The following PEMT variants were observed in gnomAD, a reference collection of about 807,000 sequenced individuals.
The protein encoded by PEMT is phosphatidylethanolamine N-methyltransferase, also known as phospholipid methyltransferase.
Under a neutral mutation model 27.4 loss-of-function variants are expected in PEMT, and 23 were observed. That is an observed-to-expected ratio of 0.84 (90% CI 0.60 to 1.19). The LOEUF is 1.19. Ranked by LOEUF, PEMT falls within the 50% of genes most tolerant of loss-of-function variation. The pLI, the probability that PEMT is intolerant of heterozygous loss-of-function variation, is 0.00. For missense variants in PEMT, 307 were observed against 310.1 expected (o/e 0.99, Z 0.07); for synonymous variants, 137 against 139.1 (o/e 0.98, Z 0.11).
At chr17:17,591,143 C>T (rs561700921) in intron 1 of PEMT, among the ~76,000 whole-genome samples, 2 of 152,116 alleles carry the variant, frequency 1.3e-5, no homozygotes, top group Non-Finnish European at 1.5e-5. Flanking sequence ...CACACACAGC[C>T]TCGGTCATAC....
chr17:17,522,527 A>C, intron 2 of PEMT, 132 bp from the exon 3 acceptor site: 2 of 656,720 alleles, frequency 3.0e-6, no homozygotes, highest in Non-Finnish European at 5.5e-6. Context: ...ATTACACGGG[A>C]GCAACAACCA....
chr17:17,577,655 C>A (rs187424285), intron 1 of PEMT, among the ~76,000 whole-genome samples: 134 of 150,898 alleles, frequency 8.9e-4, no homozygotes, highest in African/African-American at 3.2e-3. Context: ...TGTCCAGCAA[C>A]CAAAGAAATG....
At chr17:17,530,675 A>C (rs1343787819) in intron 2 of PEMT, among the ~76,000 whole-genome samples, 1 of 152,178 alleles carries the variant, frequency 6.6e-6, no homozygotes, top group East Asian at 1.9e-4. Context: ...CATCGAGTAA[A>C]TCTATTGTTG....
At chr17:17,541,980 T>C (rs1438441136) in intron 2 of PEMT, among the ~76,000 whole-genome samples, 3 of 152,052 alleles carry the variant, frequency 2.0e-5, no homozygotes, top group Non-Finnish European at 2.9e-5. Context: ...TCTTTTTTCT[T>C]TTTTCTTTTT....
intron 6 of PEMT, 38 bp downstream of exon 6, chr17:17,506,189 G>A (rs757603424): frequency 7.5e-6 from 11 of 1,458,826 alleles, no homozygotes; most frequent in Middle Eastern, 1.7e-4. Context: ...AGGGCCAGTC[G>A]GGCAGCCACG....
chr17:17,522,695 T>C (rs746899), intron 2 of PEMT, among the ~76,000 whole-genome samples: 92,443 of 151,624 alleles, frequency 0.61, 28,983 homozygotes, highest in African/African-American at 0.75. Context: ...AGACGTCTGG[T>C]GGAGAAGATC....
intron 2 of PEMT, among the ~76,000 whole-genome samples, chr17:17,537,229 C>T (rs1908539453): frequency 6.6e-6 from 1 of 152,220 alleles, no homozygotes; most frequent in African/African-American, 2.4e-5. Context: ...GAGTCCAGCT[C>T]GGAGGTGGGA....
At position 17,523,134 on chromosome 17, in the gene PEMT, G is replaced by A. The variant is rs1907412057; in HGVS notation, c.205-739C>T. 6.6e-6 allele frequency among the ~76,000 whole-genome samples: 1 copy of A among 152,184 alleles called. No individual in the cohort carries two copies. The highest frequency in any genetic ancestry group is 1.5e-5 in the Non-Finnish European group (1 of 68,042). On this transcript the variant is annotated intron_variant, in intron 2 of 6. Transcript: ENST00000255389. The surrounding 1 kb of genome is among the most constrained non-coding windows in gnomAD (Gnocchi z 4.8). The stretch of plus-strand genomic sequence containing the variant: ...GCCCGGGCCTGGCCCAGCACACTGA[G>A]GAAGGAACGGAGAGGAGGGGAGGGG...
intron 2 of PEMT, among the ~76,000 whole-genome samples, chr17:17,575,886 A>G (rs982405878): frequency 1.3e-5 from 2 of 152,204 alleles, no homozygotes; most frequent in Admixed American, 6.5e-5. Flanking sequence ...TTCTCTCACC[A>G]GATGGAGAAA....
chr17:17,585,820 T>C (rs1017610191), intron 1 of PEMT, among the ~76,000 whole-genome samples: 5 of 151,984 alleles, frequency 3.3e-5, no homozygotes, highest in East Asian at 1.9e-4. Flanking sequence ...CGGTGAGTCA[T>C]GCCTGTAATC....
intron 2 of PEMT, among the ~76,000 whole-genome samples, chr17:17,541,566 G>C (rs192979903): frequency 5.4e-4 from 83 of 152,374 alleles, no homozygotes; most frequent in Non-Finnish European, 8.5e-4. Flanking sequence ...CAGCGAGCCA[G>C]AGCCCACACA....
intron 1 of PEMT, chr17:17,578,580 T>G (rs1286085121): frequency 6.6e-6 from 1 of 152,148 alleles, no homozygotes; most frequent in Non-Finnish European, 1.5e-5. Flanking sequence ...TCTCTCCACA[T>G]GCAACTCAAA....
At chr17:17,553,082 G>A (rs944974854) in intron 2 of PEMT, among the ~76,000 whole-genome samples, 4 of 152,190 alleles carry the variant, frequency 2.6e-5, no homozygotes, top group Admixed American at 1.3e-4. Context: ...GTGCCTGGCC[G>A]GCTGGGGGAT....
chr17:17,555,310 C>T (rs1157563629), intron 2 of PEMT, among the ~76,000 whole-genome samples: 1 of 152,188 alleles, frequency 6.6e-6, no homozygotes. Context: ...CAGTGGGACA[C>T]TTTCTGCTAC....
At chr17:17,575,684 C>T (rs1046186792) in intron 2 of PEMT, among the ~76,000 whole-genome samples, 2 of 152,152 alleles carry the variant, frequency 1.3e-5, no homozygotes, top group African/African-American at 2.4e-5. Flanking sequence ...AAGGGGTGTC[C>T]GGGAGGCCTG....
chr17:17,590,458 C>T (rs1226557722), intron 1 of PEMT, among the ~76,000 whole-genome samples: 1 of 152,226 alleles, frequency 6.6e-6, no homozygotes, highest in Non-Finnish European at 1.5e-5. Context: ...ATTTCAATCC[C>T]GCCTTCCCAT....
Position 17,527,376 on chromosome 17 carries a change from G to C in PEMT, c.205-4981C>G, listed in dbSNP as rs1907749522. ...AAATCCCTCTTTGAAGTGAGACACG[G>C]CTCCTTCGCACTCACTGAAGGACTG... is the stretch of plus-strand genomic sequence containing the variant. On this transcript the variant is annotated intron_variant, in intron 2 of 6. Coordinates refer to ENST00000255389, the MANE Select transcript of PEMT (RefSeq NM_148172.3). 2.6e-5 allele frequency among the ~76,000 whole-genome samples: 4 copies of C among 152,322 alleles called. No individual in the cohort carries two copies. In the South Asian group the frequency reaches 8.3e-4, roughly 32 times the overall value.
At chr17:17,546,081 C>T (rs776428885) in intron 2 of PEMT, among the ~76,000 whole-genome samples, 30 of 152,212 alleles carry the variant, frequency 2.0e-4, no homozygotes, top group Admixed American at 1.6e-3. Flanking sequence ...CATCTTATGT[C>T]CTCAAGCAGC....
In PEMT at chr17:17,570,580, G is replaced by A. The variant is rs1215406594; in HGVS notation, c.204+6340C>T. ...CCTGACAAGGACCACTCCAAGCTGC[G>A]GTAACAAAGGTCTGTGGGCAGCCTT... is the stretch of plus-strand genomic sequence containing the variant. On this transcript the variant is annotated intron_variant, in intron 2 of 6. Transcript: ENST00000255389. 15 of 985,312 alleles carry A rather than the reference G, an allele frequency of 1.5e-5. No individual in the cohort carries two copies. In the East Asian group the frequency reaches 5.7e-4, roughly 37 times the overall value. The allele number at this position is 985,312 out of a possible 1,614,324, so 61.0% of individuals were successfully genotyped here.
Sources: gnomAD v4.1 joint callset for allele counts (sites outside exome capture counted in the v4.1 genomes callset) on GRCh38, gnomAD v4.1.1 for gene constraint, Gnocchi (gnomAD v3.1) non-coding constraint, MANE v1.5 for transcripts, NCBI Gene and HGNC (gene_info 2026-07-23, HGNC 2026-07-21) for gene names.